The following PLIN5 variants were observed in gnomAD, a reference collection of about 807,000 sequenced individuals.
PLIN5 encodes the protein perilipin 5.
A neutral mutation model predicts 32.8 loss-of-function variants in PLIN5; 34 were observed. The observed-to-expected ratio is 1.04, with a 90% CI of 0.79 to 1.38. The LOEUF is 1.38. Among genes scored for constraint, PLIN5 ranks in the 40% most tolerant of loss-of-function variants. The pLI is 0.00. For synonymous variants in PLIN5, 309 were observed against 292.9 expected, an observed-to-expected ratio of 1.05 and a Z score of -0.56; for missense variants, 712 against 660.5, an observed-to-expected ratio of 1.08 and a Z score of -0.85.
At chr19:4,534,732 T>G (rs10416790) in intron 1 of PLIN5, among the ~76,000 whole-genome samples, 27,886 of 152,086 alleles carry the variant, frequency 0.18, 5,185 homozygotes, top group African/African-American at 0.48. Flanking sequence ...TTGTAAGATG[T>G]GGGAGGTCCC....
chr19:4,527,914 CTTTT>C (rs534330544), intron 5 of PLIN5, among the ~76,000 whole-genome samples: 2 of 143,740 alleles, frequency 1.4e-5, no homozygotes, highest in East Asian at 2.0e-4. Context: ...GCCTCACTGC[CTTTT>C]TTTTTTTTTG....
At chr19:4,530,046 G>A (rs1411091204) in intron 3 of PLIN5, among the ~76,000 whole-genome samples, 180 bp from the exon 4 acceptor site, 2 of 152,178 alleles carry the variant, frequency 1.3e-5, no homozygotes, top group East Asian at 3.8e-4. Context: ...ACCAGGAGAT[G>A]GACAGGCTTT....
intron 5 of PLIN5, among the ~76,000 whole-genome samples, chr19:4,527,031 G>A (rs569561407): frequency 6.6e-5 from 10 of 152,148 alleles, no homozygotes; most frequent in African/African-American, 2.2e-4. Context: ...GAGCCCAGGA[G>A]TTGGAGACCA....
chr19:4,531,523 A>G, intron 3 of PLIN5, 104 bp downstream of exon 3: 1 of 1,200,414 alleles, frequency 8.3e-7, no homozygotes, highest in Non-Finnish European at 1.1e-6. Flanking sequence ...TAGGCTGAAG[A>G]TGACCCCCAG....
intron 5 of PLIN5, among the ~76,000 whole-genome samples, chr19:4,527,324 G>T (rs540751660): frequency 3.3e-5 from 5 of 151,044 alleles, no homozygotes; most frequent in African/African-American, 1.2e-4. Flanking sequence ...TGCCCTCCTC[G>T]GCCTCCCAAA....
Position 4,525,386 on chromosome 19 carries a change from T to C in PLIN5, c.720+247A>G, listed in dbSNP as rs562580684. Among the ~76,000 whole-genome samples the C allele has an allele frequency of 6.6e-6, 1 of 152,180 alleles. No individual in the cohort carries two copies. Among genetic ancestry groups the C allele is most frequent in the African/African-American group, 2.4e-5 (1 of 41,512 alleles). ...AGGCTCTCTTCTGACCTACCCTAACTTGCTATAAATTCCAGCTTCTCCTTC... is the reference window on the plus strand; with the variant it reads ...AGGCTCTCTTCTGACCTACCCTAACCTGCTATAAATTCCAGCTTCTCCTTC... On this transcript the variant is annotated intron_variant, in intron 6 of 7. Coordinates refer to ENST00000381848, the MANE Select transcript of PLIN5 (RefSeq NM_001013706.3). This position sits in a 1 kb window ranked among gnomAD's most constrained non-coding sequence, Gnocchi z 5.6.
rs746515381 is a variant in PLIN5, at chr19:4,534,371, G to T, written c.-21-276C>A. 8.0e-5 allele frequency: 34 copies of T among 422,756 alleles called. 1 individual carries two copies. The South Asian group carries it at 9.5e-4, about 12-fold the overall frequency. 26.2% of individuals were successfully genotyped at this position (422,756 alleles called of 1,614,324 possible). On this transcript the variant is annotated intron_variant, in intron 1 of 7. Coordinates refer to ENST00000381848, the MANE Select transcript of PLIN5 (RefSeq NM_001013706.3). ...GGGTTCAAATGCTACCATTAATTGC[G>T]GTGTTATTTTTATTATTTTTTTAAA...
At chr19:4,526,637 G>A (rs1421660621) in intron 5 of PLIN5, among the ~76,000 whole-genome samples, 2 of 150,170 alleles carry the variant, frequency 1.3e-5, no homozygotes, top group Non-Finnish European at 1.5e-5. Context: ...GCCCAGGGAG[G>A]ATTACTTTGA....
chr19:4,525,843 G>GGATACGGGGAC lies in PLIN5; in HGVS notation c.521-22_521-12dup. ...CAGCCGCCAGTGCCGCTGGAGGACA[G>GGATACGGGGAC]GATACGGGGACAGCACGGGGACAGG... is the stretch of plus-strand genomic sequence containing the variant. On this transcript the variant is annotated splice_polypyrimidine_tract_variant and intron_variant, in intron 5 of 7. Transcript: ENST00000381848. This position sits in a 1 kb window ranked among gnomAD's most constrained non-coding sequence, Gnocchi z 5.6. 6.4e-7 allele frequency: 1 copy of GGATACGGGGAC among 1,563,904 alleles called. No homozygotes were observed. The highest frequency in any genetic ancestry group is 1.1e-5 in the South Asian group (1 of 89,068).
At position 4,525,734 on chromosome 19, in the gene PLIN5, G is replaced by A. The variant is rs746375795; in HGVS notation, c.619C>T (p.Arg207Trp). ...TGCTCGTAGGCCAGGTGGCGGATCC[G>A]TGCTGACAGGGAGCCGAGGCGCACA... ...YFVRLGSLSA[R>W]IRHLAYEHSV... Residue 207 changes from arginine to tryptophan, a missense_variant, in exon 6 of 8, where the codon CGG becomes TGG. Arg to Trp is a moderately radical substitution (Grantham distance 101). Transcript: ENST00000381848. This position sits in a 1 kb window ranked among gnomAD's most constrained non-coding sequence, Gnocchi z 5.6. The A allele has an allele frequency of 9.3e-6, 15 of 1,613,612 alleles. No homozygotes were observed. Among genetic ancestry groups the A allele is most frequent in the South Asian group, 4.4e-5 (4 of 91,088 alleles).
In PLIN5 at chr19:4,522,767, C is replaced by A; in HGVS notation, c.*761G>T. Reference sequence around the variant, plus strand: ...GCAAGATCATGGCTCACTGCAGCCTCCAACTCCTGGGCTCAAGCAGTCCTC... The same window carrying A: ...GCAAGATCATGGCTCACTGCAGCCTACAACTCCTGGGCTCAAGCAGTCCTC... On this transcript the variant is annotated 3_prime_UTR_variant, in exon 8 of 8. Transcript: ENST00000381848. The A allele has an allele frequency of 6.6e-6, 1 of 152,070 alleles. No individual in the cohort carries two copies. Among genetic ancestry groups the A allele is most frequent in the South Asian group, 2.0e-4 (1 of 4,970 alleles). 9.4% of individuals were successfully genotyped at this position (152,070 alleles called of 1,614,324 possible). A position where few individuals can be genotyped will look rare whatever the true frequency, so the allele number is the denominator to read the frequency against.
At chr19:4,529,314 C>G in intron 4 of PLIN5, 61 bp from the exon 5 acceptor site, 4 of 1,509,914 alleles carry the variant, frequency 2.6e-6, no homozygotes, top group Non-Finnish European at 3.6e-6. Context: ...TTCTGCCACC[C>G]TAGTTCCCTG....
intron 5 of PLIN5, chr19:4,528,744 A>G (rs1976839921): frequency 9.2e-6 from 2 of 217,870 alleles, no homozygotes; most frequent in Non-Finnish European, 1.8e-5. Context: ...AAGAATCGGG[A>G]CATGTAATGC....
At chr19:4,526,631 A>G (rs1976806896) in intron 5 of PLIN5, among the ~76,000 whole-genome samples, 1 of 152,078 alleles carries the variant, frequency 6.6e-6, no homozygotes, top group Non-Finnish European at 1.5e-5. Flanking sequence ...GCTTGAGCCC[A>G]GGGAGGATTA....
At chr19:4,534,256 C>T in intron 1 of PLIN5, 161 bp from the exon 2 acceptor site, 1 of 643,392 alleles carries the variant, frequency 1.6e-6, no homozygotes, top group Non-Finnish European at 2.7e-6. Context: ...GTCCAGAGCT[C>T]TGTACACAGA....
chr19:4,524,209 C>A (rs1175176695), intron 7 of PLIN5, 124 bp from the exon 8 acceptor site: 4 of 942,894 alleles, frequency 4.2e-6, no homozygotes, highest in Non-Finnish European at 5.8e-6. Context: ...ATAGTCCTGT[C>A]CCCTGTAGAC....
chr19:4,531,118 A>G (rs1976878744), intron 3 of PLIN5, among the ~76,000 whole-genome samples: 1 of 151,526 alleles, frequency 6.6e-6, no homozygotes, highest in African/African-American at 2.4e-5. Context: ...CTCCTGCATG[A>G]GCCTCCTGAG....
At chr19:4,531,858 G>T (rs929548067) in intron 2 of PLIN5, 36 bp from the exon 3 acceptor site, 2 of 1,483,224 alleles carry the variant, frequency 1.3e-6, no homozygotes, top group African/African-American at 2.8e-5. Context: ...GACCCTGGGG[G>T]AAGTGGGGCC....
chr19:4,529,103 G>C lies in PLIN5; in HGVS notation c.490C>G (p.His164Asp), dbSNP rs553130703. The change falls in exon 5 of 8, where the codon CAC (histidine) becomes GAC (aspartate). Residue 164 changes from histidine to aspartate, a missense_variant. His to Asp is a moderately conservative substitution (Grantham distance 81). Transcript: ENST00000381848. The stretch of plus-strand genomic sequence containing the variant: ...TCTTCCTCCGTCATGGGCAGGAAGT[G>C]ATCCACCAGCTCCTCTGATTTTTCC... ...VLEKSEELVD[H>D]FLPMTEEELA... 1 of 1,613,312 alleles carries C rather than the reference G, an allele frequency of 6.2e-7. No homozygotes were observed. Among genetic ancestry groups the C allele is most frequent in the African/African-American group, 1.3e-5 (1 of 74,920 alleles).
Sources: allele counts gnomAD v4.1 joint callset (sites outside exome capture counted in the v4.1 genomes callset), GRCh38; gene constraint gnomAD v4.1.1; non-coding constraint Gnocchi (gnomAD v3.1); transcripts MANE v1.5; gene names NCBI Gene and HGNC (gene_info 2026-07-23, HGNC 2026-07-21).